The following SP4 variants were observed in gnomAD, a reference collection of about 807,000 sequenced individuals.
The protein encoded by SP4 is Sp4 transcription factor.
In SP4, 19 loss-of-function variants were observed where a neutral mutation model predicts 72.8. The ratio of observed to expected loss-of-function variants is 0.26; its 90% CI spans 0.18 to 0.38. The LOEUF is 0.38. SP4 is among the 10% of genes least tolerant of loss of function. The probability of loss-of-function intolerance (pLI) is 1.00; values close to 1 mark genes in which losing one functional copy is unlikely to be tolerated. For synonymous variants in SP4, 395 were observed against 333.1 expected (o/e 1.19, Z -2.02); for missense variants, 1,008 against 926.3 (o/e 1.09, Z -1.14).
At position 21,495,801 on chromosome 7, in the gene SP4, A is replaced by ATGTGTGTG. The variant is rs3060618; in HGVS notation, c.2107+13685_2107+13692dup. Among the ~76,000 whole-genome samples, 21 of 151,772 alleles carry ATGTGTGTG rather than the reference A, an allele frequency of 1.4e-4. No homozygotes were observed. In the East Asian group the frequency reaches 2.5e-3, roughly 18 times the overall value. ...CACACAAAAAAAGCTGTGAGTGTGC[A>ATGTGTGTG]TGTGTGTGTGTGTGGCAGATTTATT... On this transcript the variant is annotated intron_variant, in intron 5 of 5. Transcript: ENST00000222584.
chr7:21,444,547 A>G (rs868521897), intron 3 of SP4, among the ~76,000 whole-genome samples: 2 of 152,094 alleles, frequency 1.3e-5, no homozygotes. Flanking sequence ...TACTTGTACT[A>G]TTACCACTTA....
chr7:21,443,092 T>G (rs1056692376), intron 3 of SP4, among the ~76,000 whole-genome samples: 7 of 152,264 alleles, frequency 4.6e-5, no homozygotes, highest in African/African-American at 1.7e-4. Context: ...AGTGTTCATA[T>G]AAAAGTTGAA....
chr7:21,430,376 T>TA lies in SP4; in HGVS notation c.1212dup (p.Gln405ThrfsTer128). 6.2e-7 allele frequency: 1 copy of TA among 1,614,206 alleles called. No individual in the cohort carries two copies. On this transcript the variant is annotated frameshift_variant, in exon 3 of 6. Transcript: ENST00000222584. LOFTEE classifies it high-confidence loss of function. ...GTGCAAATTGTAGGCCAACCTATCT[T>TA]ACAGCAGATCCAGATCCAACAGCCT...
rs137934826 is a variant in SP4 at position 21,430,208 on chromosome 7, C to G, written c.1043C>G (p.Ala348Gly). The G allele has an allele frequency of 1.1e-4, 178 of 1,614,182 alleles. No homozygotes were observed. The African/African-American group carries it at 2.1e-3, about 19-fold the overall frequency. ...AGCTCAGCAGATACTGGCCAGTATGCAAGCACATCAGCCAGTAGTTCTGAA... is the reference window on the plus strand; with the variant it reads ...AGCTCAGCAGATACTGGCCAGTATGGAAGCACATCAGCCAGTAGTTCTGAA... ...LVSSADTGQYASTSASSSERT... is the reference protein window; with the variant it reads ...LVSSADTGQYGSTSASSSERT... Residue 348 changes from alanine (A) to glycine (G), a missense_variant, in exon 3 of 6, where the codon GCA becomes GGA. Around this residue, in one of 3 missense-constraint regions of SP4, gnomAD observed 893 missense variants for 743.3 expected, o/e 1.20. Coordinates refer to ENST00000222584, the MANE Select transcript of SP4 (RefSeq NM_003112.5).
chr7:21,428,340 C>CT (rs1474055130), intron 1 of SP4, 82 bp downstream of exon 1: 1 of 739,078 alleles, frequency 1.4e-6, no homozygotes, highest in South Asian at 1.5e-5. Context: ...GTTCTCCCCC[C>CT]TCCCCCGGGG....
chr7:21,486,335 C>T (rs1315287678), intron 5 of SP4, among the ~76,000 whole-genome samples: 4 of 152,020 alleles, frequency 2.6e-5, no homozygotes, highest in Non-Finnish European at 5.9e-5. Context: ...ACCACAGTAC[C>T]TTATGAGAAT....
At chr7:21,504,036 C>T (rs1306478186) in intron 5 of SP4, among the ~76,000 whole-genome samples, 1 of 152,206 alleles carries the variant, frequency 6.6e-6, no homozygotes, top group Non-Finnish European at 1.5e-5. Flanking sequence ...CTTCCTCCTC[C>T]TCTCTGGTAA....
In SP4 at chr7:21,429,927, A is replaced by G. The variant is rs1782776912; in HGVS notation, c.762A>G (p.Val254=). 6.2e-7 allele frequency: 1 copy of G among 1,614,096 alleles called. No homozygotes were observed. The highest frequency in any genetic ancestry group is 8.5e-7 in the Non-Finnish European group (1 of 1,180,044). The change falls in exon 3 of 6, where the codon GTA becomes GTG. Residue 254 remains valine (V), a synonymous_variant. Transcript: ENST00000222584. The part of the protein sequence containing the change: ...QTLPGTQAQV[V]TTLPINIGGV... ...TTCCTGGTACTCAGGCTCAAGTTGTAACAACCCTACCAATTAACATTGGAG... is the reference window on the plus strand; with the variant it reads ...TTCCTGGTACTCAGGCTCAAGTTGTGACAACCCTACCAATTAACATTGGAG...
intron 3 of SP4, among the ~76,000 whole-genome samples, chr7:21,439,512 T>C (rs1182794290): frequency 6.6e-6 from 1 of 151,040 alleles, no homozygotes; most frequent in Non-Finnish European, 1.5e-5. Flanking sequence ...TTCTTTTCTT[T>C]CCTTTTTTTT....
At chr7:21,492,254 A>G (rs955204448) in intron 5 of SP4, among the ~76,000 whole-genome samples, 1 of 152,192 alleles carries the variant, frequency 6.6e-6, no homozygotes, top group South Asian at 2.1e-4. Context: ...CACTACAGAG[A>G]GGGTGGGTGG....
At chr7:21,432,857 G>A (rs539447506) in intron 3 of SP4, among the ~76,000 whole-genome samples, 2 of 152,344 alleles carry the variant, frequency 1.3e-5, no homozygotes, top group Admixed American at 1.3e-4. Flanking sequence ...TTAGCTGGGT[G>A]TGGTGGCACA....
chr7:21,430,308 T>C lies in SP4; in HGVS notation c.1143T>C (p.Asn381=), dbSNP rs757793189. Residue 381 remains asparagine, a synonymous_variant, in exon 3 of 6, where the codon AAT becomes AAC. Coordinates refer to ENST00000222584, the MANE Select transcript of SP4 (RefSeq NM_003112.5). ...AGAGCTCCAGTCAGCTTCAGCCTAA[T>C]GGAATGCAGAATGCACAGGATCAAT... ...EAQSSSQLQP[N]GMQNAQDQSN... The C allele has an allele frequency of 1.2e-6, 2 of 1,614,206 alleles. No homozygotes were observed. Among genetic ancestry groups the C allele is most frequent in the Non-Finnish European group, 1.7e-6 (2 of 1,180,042 alleles).
intron 3 of SP4, among the ~76,000 whole-genome samples, chr7:21,460,507 T>C (rs190489899): frequency 2.0e-5 from 3 of 152,320 alleles, no homozygotes; most frequent in African/African-American, 7.2e-5. Context: ...CAAGATTTAT[T>C]GCGAAGAGCA....
chr7:21,486,117 A>G (rs1784805967), intron 5 of SP4, among the ~76,000 whole-genome samples: 1 of 150,666 alleles, frequency 6.6e-6, no homozygotes, highest in African/African-American at 2.4e-5. Flanking sequence ...CTCTTAAAAC[A>G]TTGTCACAGC....
At chr7:21,479,275 T>C (rs1784608218) in intron 4 of SP4, among the ~76,000 whole-genome samples, 1 of 151,900 alleles carries the variant, frequency 6.6e-6, no homozygotes, top group Non-Finnish European at 1.5e-5. Context: ...TTTTTTTTTT[T>C]TAAGATAATT....
At position 21,513,663 on chromosome 7, in the gene SP4, A is replaced by C. The variant is rs907748931; in HGVS notation, c.*2394A>C. ...ACACTTTTTGTTGTTGTTAATACCAAGTATGAACACTCTGCATCATTATTC... is the reference window on the plus strand; with the variant it reads ...ACACTTTTTGTTGTTGTTAATACCACGTATGAACACTCTGCATCATTATTC... On this transcript the variant is annotated 3_prime_UTR_variant, in exon 6 of 6. Transcript: ENST00000222584. The C allele has an allele frequency of 2.0e-5, 3 of 152,302 alleles. No homozygotes were observed. Among genetic ancestry groups the C allele is most frequent in the Non-Finnish European group, 2.9e-5 (2 of 68,028 alleles). 9.4% of individuals were successfully genotyped at this position (152,302 alleles called of 1,614,324 possible). A position where few individuals can be genotyped will look rare whatever the true frequency, so the allele number is the denominator to read the frequency against.
chr7:21,508,609 G>A (rs1782068111), intron 5 of SP4, among the ~76,000 whole-genome samples: 1 of 152,076 alleles, frequency 6.6e-6, no homozygotes, highest in South Asian at 2.1e-4. Context: ...TTACAGGTGT[G>A]AGCCACCGCG....
At chr7:21,464,681 C>T (rs1320120462) in intron 3 of SP4, among the ~76,000 whole-genome samples, 1 of 151,524 alleles carries the variant, frequency 6.6e-6, no homozygotes, top group East Asian at 1.9e-4. Flanking sequence ...TTCTGAGTAG[C>T]TGGGACCACA....
intron 5 of SP4, among the ~76,000 whole-genome samples, chr7:21,499,319 G>T (rs1301279256): frequency 2.6e-5 from 4 of 152,130 alleles, no homozygotes. Flanking sequence ...CCTAATCCTA[G>T]TATCTGTGAA....
Sources: gnomAD v4.1 joint callset for allele counts (sites outside exome capture counted in the v4.1 genomes callset) on GRCh38, gnomAD v4.1.1 for gene constraint, gnomAD v4.1.1 regional missense constraint, MANE v1.5 for transcripts, NCBI Gene and HGNC (gene_info 2026-07-23, HGNC 2026-07-21) for gene names.